MICAL3: variants seen among roughly 807,000 people sequenced by gnomAD.
The protein encoded by MICAL3 is [F-actin]-monooxygenase MICAL3.
Under a neutral mutation model 207.4 loss-of-function variants are expected in MICAL3, and 62 were observed. The ratio of observed to expected loss-of-function variants is 0.30; its 90% CI spans 0.24 to 0.37. The LOEUF is 0.37. Among genes scored for constraint, MICAL3 ranks in the 10% least tolerant of loss-of-function variants. The probability of loss-of-function intolerance (pLI) is 1.00; values close to 1 mark genes in which losing one functional copy is unlikely to be tolerated. For synonymous variants in MICAL3, 1,077 were observed against 1,069.3 expected (o/e 1.01, Z -0.14); for missense variants, 2,368 against 2,635.6 (o/e 0.90, Z 2.22).
rs764903307 is a variant in MICAL3 at position 17,872,804 on chromosome 22, T to C, written c.2242-781A>G. ...GTTCTTTCCTTTGAAGCTGATTGGC[T>C]ATCTGCTCAGCCAATGAGCTCACTC... On this transcript the variant is annotated intron_variant, in intron 16 of 31. Coordinates refer to ENST00000441493, the MANE Select transcript of MICAL3 (RefSeq NM_015241.3). The C allele has an allele frequency of 5.6e-6, 9 of 1,613,876 alleles. No homozygotes were observed. The Admixed American group carries it at 1.5e-4, about 27-fold the overall frequency.
chr22:17,916,786 A>G (rs1695184494), intron 1 of MICAL3, among the ~76,000 whole-genome samples: 1 of 152,128 alleles, frequency 6.6e-6, no homozygotes, highest in Admixed American at 6.5e-5. Context: ...AAGCCTCTGC[A>G]CGTTGAAATG....
Position 17,796,992 on chromosome 22 carries a change from A to T in MICAL3, c.5651-5691T>A, listed in dbSNP as rs908262800. On this transcript the variant is annotated intron_variant, in intron 29 of 31. Coordinates refer to ENST00000441493, the MANE Select transcript of MICAL3 (RefSeq NM_015241.3). The surrounding 1 kb of genome is among the most constrained non-coding windows in gnomAD (Gnocchi z 4.4). ...CTTCTATATTCCCACCTTCTCTCCA[A>T]CCAAGACTCTTCACCTTGGCACACT... 6.6e-6 allele frequency among the ~76,000 whole-genome samples: 1 copy of T among 152,002 alleles called. No individual in the cohort carries two copies. The highest frequency in any genetic ancestry group is 2.4e-5 in the African/African-American group (1 of 41,368).
chr22:17,787,727 G>GT lies in MICAL3; in HGVS notation c.*3004dup, dbSNP rs554469882. ...CAGATGTTACCACCTTTAAAAAAAT[G>GT]TTTTTTAACTCTCCTTTCTGTCCCA... On this transcript the variant is annotated 3_prime_UTR_variant, in exon 32 of 32. Transcript: ENST00000441493. 1 of 152,208 alleles carries GT rather than the reference G, an allele frequency of 6.6e-6. No homozygotes were observed. The highest frequency in any genetic ancestry group is 2.1e-4 in the South Asian group (1 of 4,832). The allele number at this position is 152,208 out of a possible 1,614,324, so 9.4% of individuals were successfully genotyped here.
rs557556910 is a variant in MICAL3, at chr22:17,851,354, C to T, written c.2606-9337G>A. 9.9e-5 allele frequency among the ~76,000 whole-genome samples: 15 copies of T among 152,250 alleles called. No individual in the cohort carries two copies. The East Asian group carries it at 2.7e-3, about 27-fold the overall frequency. On this transcript the variant is annotated intron_variant, in intron 19 of 31. Transcript: ENST00000441493. The stretch of plus-strand genomic sequence containing the variant: ...TCCTGCTTCCGGCTCCACTTGACAC[C>T]CTTGAAGGGCTTTTATACACGTCTT...
chr22:18,017,589 G>T (rs979374784), intron 1 of MICAL3, among the ~76,000 whole-genome samples: 20 of 140,972 alleles, frequency 1.4e-4, no homozygotes, highest in Admixed American at 5.4e-4. Flanking sequence ...TCATTTGATA[G>T]AATTTTTTTT....
intron 23 of MICAL3, 76 bp from the exon 24 acceptor site, chr22:17,822,246 G>T: frequency 6.6e-7 from 1 of 1,513,842 alleles, no homozygotes; most frequent in Non-Finnish European, 8.9e-7. Flanking sequence ...GAGCAGCCGC[G>T]CCACTTGCTC....
chr22:17,879,448 A>C, intron 16 of MICAL3: 1 of 1,524,398 alleles, frequency 6.6e-7, no homozygotes, highest in Non-Finnish European at 9.0e-7. Context: ...ATATCGCTCT[A>C]TTTGGACCTA....
chr22:17,891,494 G>T lies in MICAL3; in HGVS notation c.1685C>A (p.Pro562His). ...TTTGATCACAACTTACATCAGGTCA[G>T]GGCGGTATCTATGGATAATTGCACA... ...ALCAIIHRYR[P>H]DLIDFDSLDE... Residue 562 changes from proline to histidine, a missense_variant, in exon 12 of 32, where the codon CCT (proline) becomes CAT (histidine). Coordinates refer to ENST00000441493, the MANE Select transcript of MICAL3 (RefSeq NM_015241.3). 1 of 1,613,992 alleles carries T rather than the reference G, an allele frequency of 6.2e-7. No individual in the cohort carries two copies. The highest frequency in any genetic ancestry group is 1.1e-5 in the South Asian group (1 of 91,080).
chr22:17,819,509 T>G (rs541165024), intron 25 of MICAL3, among the ~76,000 whole-genome samples: 3 of 152,276 alleles, frequency 2.0e-5, no homozygotes, highest in African/African-American at 7.2e-5. Flanking sequence ...GGGCCAGGAC[T>G]GTAAGAAGAC....
chr22:17,802,764 A>G (rs2145971888), intron 29 of MICAL3, among the ~76,000 whole-genome samples: 1 of 152,240 alleles, frequency 6.6e-6, no homozygotes, highest in East Asian at 1.9e-4. Context: ...TATCTTTGCC[A>G]TTCTTCTGTT....
At chr22:17,880,271 C>A (rs1198628520) in intron 16 of MICAL3, among the ~76,000 whole-genome samples, 1 of 152,214 alleles carries the variant, frequency 6.6e-6, no homozygotes, top group Non-Finnish European at 1.5e-5. Flanking sequence ...ACTTCAGTCT[C>A]CTCCCTGGTA....
chr22:17,893,649 C>A (rs1379304495), intron 11 of MICAL3, among the ~76,000 whole-genome samples, 159 bp downstream of exon 11: 1 of 152,190 alleles, frequency 6.6e-6, no homozygotes, highest in South Asian at 2.1e-4. Context: ...AGACAACTAC[C>A]AAGTATCCCC....
At chr22:17,837,441 A>C (rs1353188603) in intron 20 of MICAL3, among the ~76,000 whole-genome samples, 2 of 152,248 alleles carry the variant, frequency 1.3e-5, no homozygotes, top group African/African-American at 4.8e-5. Context: ...CTCTAGAGCC[A>C]AGAATGTGGA....
intron 1 of MICAL3, among the ~76,000 whole-genome samples, chr22:17,913,111 C>T (rs5747405): frequency 0.33 from 48,020 of 143,936 alleles, 7,983 homozygotes; most frequent in South Asian, 0.48. Context: ...AGCTGACACT[C>T]AGCAGGATGG....
chr22:17,899,598 G>T, intron 6 of MICAL3, 50 bp from the exon 7 acceptor site: 1 of 1,204,452 alleles, frequency 8.3e-7, no homozygotes, highest in Non-Finnish European at 1.2e-6. Context: ...AGATGAAGGT[G>T]CATCAGGGCA....
At chr22:17,827,934 T>TACACACACACACACAC (rs60820224) in intron 21 of MICAL3, among the ~76,000 whole-genome samples, 153 bp from the exon 22 acceptor site, 3 of 150,810 alleles carry the variant, frequency 2.0e-5, no homozygotes, top group African/African-American at 7.3e-5. Context: ...TGCACATGTA[T>TACACACACACACACAC]ACACACACAC....
intron 1 of MICAL3, among the ~76,000 whole-genome samples, chr22:17,917,211 C>T (rs1020997622): frequency 3.3e-5 from 5 of 152,080 alleles, no homozygotes; most frequent in Non-Finnish European, 5.9e-5. Flanking sequence ...TGAACTTGTG[C>T]GACCAATCAC....
In MICAL3 at chr22:17,841,512, TCTG is replaced by T. The variant is rs1924005815; in HGVS notation, c.2801+307_2801+309del. 3.8e-6 allele frequency: 2 copies of T among 530,418 alleles called. No individual in the cohort carries two copies. The highest frequency in any genetic ancestry group is 6.7e-6 in the Non-Finnish European group (2 of 297,120). The allele number at this position is 530,418 out of a possible 1,614,324, so 32.9% of individuals were successfully genotyped here. A position where few individuals can be genotyped will look rare whatever the true frequency, so the allele number is the denominator to read the frequency against. ...CCCTCCCCGTGTGCCCGTCCTTCCC[TCTG>T]CTGAATCTGTGAATAACCCGGGGGC... On this transcript the variant is annotated intron_variant, in intron 20 of 31. Transcript: ENST00000441493. This position sits in a 1 kb window ranked among gnomAD's most constrained non-coding sequence, Gnocchi z 4.2.
chr22:18,013,908 T>G (rs1923897339), intron 1 of MICAL3, among the ~76,000 whole-genome samples: 1 of 151,918 alleles, frequency 6.6e-6, no homozygotes, highest in Non-Finnish European at 1.5e-5. Flanking sequence ...TCAAGCAATC[T>G]TCTCACCTCA....
Sources: allele counts gnomAD v4.1 joint callset (sites outside exome capture counted in the v4.1 genomes callset), GRCh38; gene constraint gnomAD v4.1.1; non-coding constraint Gnocchi (gnomAD v3.1); transcripts MANE v1.5; gene names NCBI Gene and HGNC (gene_info 2026-07-23, HGNC 2026-07-21).